Variants in FLRT2 observed in about 807,000 individuals in gnomAD.
FLRT2 encodes the protein fibronectin leucine rich transmembrane protein 2.
In FLRT2, 15 loss-of-function variants were observed where a neutral mutation model predicts 40.0. The ratio of observed to expected loss-of-function variants is 0.38; its 90% confidence interval spans 0.25 to 0.58. The LOEUF (loss-of-function observed/expected upper bound fraction) is 0.58, where lower values mean the gene tolerates loss of function less well. FLRT2 is among the 20% of genes least tolerant of loss of function. The pLI is 0.71. For missense variants in FLRT2, 726 were observed against 840.0 expected (o/e 0.86, Z 1.68); for synonymous variants, 380 against 336.8 (o/e 1.13, Z -1.41).
At position 85,626,480 on chromosome 14, in the gene FLRT2, G is replaced by A. The variant is rs898400622; in HGVS notation, c.*2983G>A. 1.2e-5 allele frequency: 2 copies of A among 167,094 alleles called. No individual in the cohort carries two copies. Among genetic ancestry groups the A allele is most frequent in the Non-Finnish European group, 2.9e-5 (2 of 68,126 alleles). The allele number at this position is 167,094 out of a possible 1,614,324, so 10.4% of individuals were successfully genotyped here. A position where few individuals can be genotyped will look rare whatever the true frequency, so the allele number is the denominator to read the frequency against. ...TGATCCCATTCAGAGCTTGGTAAAT[G>A]TCACTGTACAGAAGACATTGAAAAG... On this transcript the variant is annotated 3_prime_UTR_variant, in exon 2 of 2. Coordinates refer to ENST00000330753, the MANE Select transcript of FLRT2 (RefSeq NM_013231.6).
At chr14:85,578,680 T>C (rs1484998769) in intron 1 of FLRT2, among the ~76,000 whole-genome samples, 2 of 151,960 alleles carry the variant, frequency 1.3e-5, no homozygotes, top group African/African-American at 2.4e-5. Flanking sequence ...TTAAGGAACT[T>C]TCTGATTTTT....
In FLRT2 at chr14:85,535,364, A is replaced by C. The variant is rs562900548; in HGVS notation, c.-377+4830A>C. Among the ~76,000 whole-genome samples, 30 of 148,684 alleles carry C rather than the reference A, an allele frequency of 2.0e-4. No individual in the cohort carries two copies. The East Asian group carries it at 2.0e-3, about 10-fold the overall frequency. On this transcript the variant is annotated intron_variant, in intron 1 of 1. Transcript: ENST00000330753. ...TGAAAAGCCCCCCCCCAAAAAAAAA[A>C]AACAACAACATTTTGAGGTAAATAG...
chr14:85,591,760 A>G (rs1488497688), intron 1 of FLRT2, among the ~76,000 whole-genome samples: 5 of 152,200 alleles, frequency 3.3e-5, no homozygotes, highest in African/African-American at 1.2e-4. Flanking sequence ...ATCTCCATTT[A>G]TCTAGGGCGG....
chr14:85,560,319 C>T (rs1277697612), intron 1 of FLRT2, among the ~76,000 whole-genome samples: 4 of 152,056 alleles, frequency 2.6e-5, no homozygotes, highest in Non-Finnish European at 4.4e-5. Context: ...TGGCTCATGA[C>T]TGTAATCCCA....
Position 85,642,285 on chromosome 14 carries a change from TATA to T in FLRT2, c.*18791_*18793del, listed in dbSNP as rs770769508. 3.1e-4 allele frequency: 47 copies of T among 152,210 alleles called. No individual in the cohort carries two copies. Among genetic ancestry groups the T allele is most frequent in the African/African-American group, 1.1e-3 (45 of 41,516 alleles). 9.4% of individuals were successfully genotyped at this position (152,210 alleles called of 1,614,324 possible). ...GAGAAATATCAGAAACCCAGAGCATTATAATGGGAATGTTAGGTAGGTTTAAAT... is the reference window on the plus strand; with the variant it reads ...GAGAAATATCAGAAACCCAGAGCATTATGGGAATGTTAGGTAGGTTTAAAT... On this transcript the variant is annotated 3_prime_UTR_variant, in exon 2 of 2. Transcript: ENST00000330753.
At chr14:85,559,147 A>C (rs2273152) in intron 1 of FLRT2, among the ~76,000 whole-genome samples, 35,224 of 152,178 alleles carry the variant, frequency 0.23, 4,669 homozygotes, top group African/African-American at 0.34. Flanking sequence ...TACTTTTTGA[A>C]AATATGCTCA....
At chr14:85,589,630 C>A (rs1242310707) in intron 1 of FLRT2, among the ~76,000 whole-genome samples, 1 of 152,074 alleles carries the variant, frequency 6.6e-6, no homozygotes, top group Non-Finnish European at 1.5e-5. Context: ...CCCATTTGTC[C>A]ATTTTTGCTT....
At chr14:85,551,602 A>G (rs573778595) in intron 1 of FLRT2, 37 of 152,344 alleles carry the variant, frequency 2.4e-4, no homozygotes, top group African/African-American at 8.7e-4. Flanking sequence ...GGATGGATGA[A>G]TGCATGCATA....
intron 1 of FLRT2, among the ~76,000 whole-genome samples, chr14:85,545,517 C>T (rs1361167389): frequency 6.6e-6 from 1 of 152,130 alleles, no homozygotes; most frequent in Admixed American, 6.5e-5. Context: ...ACTCACTGTC[C>T]AGTAGGTATA....
chr14:85,621,931 C>T lies in FLRT2; in HGVS notation c.417C>T (p.His139=), dbSNP rs747226438. 65 of 1,600,850 alleles carry T rather than the reference C, an allele frequency of 4.1e-5. No individual in the cohort carries two copies. Among genetic ancestry groups the T allele is most frequent in the Non-Finnish European group, 5.5e-5 (64 of 1,172,996 alleles). ...LAQLLKLEEL[H]LDDNSISTVG... ...AGCTCTTGAAGCTTGAAGAGCTGCA[C>T]CTGGATGACAACTCCATATCCACAG... The change falls in exon 2 of 2, where the codon CAC becomes CAT. Residue 139 remains histidine, a synonymous_variant. Coordinates refer to ENST00000330753, the MANE Select transcript of FLRT2 (RefSeq NM_013231.6).
chr14:85,559,063 C>T (rs1233201420), intron 1 of FLRT2, among the ~76,000 whole-genome samples: 1 of 152,154 alleles, frequency 6.6e-6, no homozygotes, highest in Non-Finnish European at 1.5e-5. Context: ...GATAGGTGCA[C>T]ATGCATGTGT....
chr14:85,550,589 T>G (rs1352784287), intron 1 of FLRT2, among the ~76,000 whole-genome samples: 3 of 152,226 alleles, frequency 2.0e-5, no homozygotes, highest in Admixed American at 6.5e-5. Flanking sequence ...ATGAAAACCC[T>G]AAAGTCATGC....
intron 1 of FLRT2, chr14:85,552,708 C>T (rs943132981): frequency 6.6e-6 from 1 of 152,130 alleles, no homozygotes; most frequent in Non-Finnish European, 1.5e-5. Flanking sequence ...ATAATTCCGT[C>T]GCATCATTGG....
intron 1 of FLRT2, among the ~76,000 whole-genome samples, chr14:85,549,117 ATCCTC>A (rs1322713119): frequency 6.6e-6 from 1 of 152,020 alleles, no homozygotes; most frequent in Admixed American, 6.5e-5. Context: ...CAGCAATAAA[ATCCTC>A]TGGGTTTACC....
chr14:85,623,329 C>G lies in FLRT2; in HGVS notation c.1815C>G (p.Thr605=), dbSNP rs35514734. 429 of 1,517,100 alleles carry G rather than the reference C, an allele frequency of 2.8e-4. 2 individuals are homozygous for G. The African/African-American group carries it at 5.5e-3, about 19-fold the overall frequency. 94.0% of individuals were successfully genotyped at this position (1,517,100 alleles called of 1,614,324 possible). ...KDNSILEMTE[T]SFQIVSLNND... ...ACTCCATCCTGGAGATGACAGAAAC[C>G]AGTTTTCAGATCGTCTCCTTAAATA... Residue 605 remains threonine, a synonymous_variant, in exon 2 of 2, where the codon ACC becomes ACG. Transcript: ENST00000330753.
At chr14:85,611,495 A>C (rs1403468802) in intron 1 of FLRT2, among the ~76,000 whole-genome samples, 1 of 152,202 alleles carries the variant, frequency 6.6e-6, no homozygotes, top group Non-Finnish European at 1.5e-5. Flanking sequence ...GCTCATCAGG[A>C]AAGCACAACA....
chr14:85,572,256 T>C (rs1463745404), intron 1 of FLRT2, among the ~76,000 whole-genome samples: 1 of 152,218 alleles, frequency 6.6e-6, no homozygotes, highest in African/African-American at 2.4e-5. Flanking sequence ...TTATCTTCCA[T>C]GAAGAATTCC....
chr14:85,589,948 T>C (rs1891805496), intron 1 of FLRT2, among the ~76,000 whole-genome samples: 1 of 152,154 alleles, frequency 6.6e-6, no homozygotes, highest in Non-Finnish European at 1.5e-5. Context: ...TTCTGTTCCA[T>C]TGGTCTCTGT....
At chr14:85,603,188 T>C (rs1197181316) in intron 1 of FLRT2, among the ~76,000 whole-genome samples, 1 of 152,178 alleles carries the variant, frequency 6.6e-6, no homozygotes, top group African/African-American at 2.4e-5. Context: ...AAGCAAGGAC[T>C]TTAACTGATT....
Sources: allele counts gnomAD v4.1 joint callset (sites outside exome capture counted in the v4.1 genomes callset), GRCh38; gene constraint gnomAD v4.1.1; transcripts MANE v1.5; gene names NCBI Gene and HGNC (gene_info 2026-07-23, HGNC 2026-07-21).